GALNT10: variants seen among roughly 807,000 people sequenced by gnomAD.
GALNT10 encodes the protein polypeptide N-acetylgalactosaminyltransferase 10.
A neutral mutation model predicts 75.0 loss-of-function variants in GALNT10; 41 were observed. The observed-to-expected ratio is 0.55, with a 90% CI of 0.43 to 0.71. The LOEUF is 0.71. Ranked by LOEUF, GALNT10 falls within the 30% of genes least tolerant of loss-of-function variation. The probability of loss-of-function intolerance (pLI) is 0.00; values close to 1 mark genes in which losing one functional copy is unlikely to be tolerated. For synonymous variants in GALNT10, 302 were observed against 313.0 expected (o/e 0.96, Z 0.37); for missense variants, 727 against 818.5 (o/e 0.89, Z 1.36).
chr5:154,414,327 T>C (rs777727642), intron 10 of GALNT10, among the ~76,000 whole-genome samples: 1 of 152,218 alleles, frequency 6.6e-6, no homozygotes, highest in African/African-American at 2.4e-5. Flanking sequence ...AGCAGGTTTA[T>C]TTGTAATAGC....
Position 154,352,838 on chromosome 5 carries a change from G to A in GALNT10, c.568+23100G>A, listed in dbSNP as rs149240680. On this transcript the variant is annotated intron_variant, in intron 4 of 11. Coordinates refer to ENST00000297107, the MANE Select transcript of GALNT10 (RefSeq NM_198321.4). This position sits in a 1 kb window ranked among gnomAD's most constrained non-coding sequence, Gnocchi z 4.4. ...CTTGACCACCCCGCGGTCTTGCATC[G>A]GGACATGGCTATGGCAGGGAAGAAA... Among the ~76,000 whole-genome samples the A allele has an allele frequency of 7.2e-5, 11 of 152,252 alleles. No individual in the cohort carries two copies. In the South Asian group the frequency reaches 1.9e-3, roughly 26 times the overall value.
chr5:154,358,238 G>A (rs1244374203), intron 4 of GALNT10, among the ~76,000 whole-genome samples: 1 of 152,164 alleles, frequency 6.6e-6, no homozygotes, highest in Non-Finnish European at 1.5e-5. Flanking sequence ...GAAATGTTCT[G>A]CATGGGGGGA....
At chr5:154,258,995 TAATGTTA>T (rs1753658182) in intron 1 of GALNT10, among the ~76,000 whole-genome samples, 1 of 152,242 alleles carries the variant, frequency 6.6e-6, no homozygotes, top group Admixed American at 6.5e-5. Flanking sequence ...CAGCTTCCCC[TAATGTTA>T]ACATCCTACA....
At chr5:154,351,450 G>T (rs1755203533) in intron 4 of GALNT10, among the ~76,000 whole-genome samples, 1 of 152,196 alleles carries the variant, frequency 6.6e-6, no homozygotes, top group African/African-American at 2.4e-5. Context: ...AATCACAGAA[G>T]ATTTCTGTGT....
At chr5:154,284,921 A>AGTC (rs1352875487) in intron 1 of GALNT10, among the ~76,000 whole-genome samples, 3 of 152,338 alleles carry the variant, frequency 2.0e-5, no homozygotes, top group African/African-American at 7.2e-5. Context: ...TAATGACGAT[A>AGTC]ATAATATAGT....
chr5:154,284,326 G>T (rs1754083496), intron 1 of GALNT10, among the ~76,000 whole-genome samples: 1 of 152,210 alleles, frequency 6.6e-6, no homozygotes, highest in Admixed American at 6.5e-5. Flanking sequence ...AAAGCAGATG[G>T]TCTTCTTCAC....
intron 4 of GALNT10, among the ~76,000 whole-genome samples, chr5:154,364,255 T>G (rs149950152): frequency 0.013 from 1,990 of 152,302 alleles, 24 homozygotes; most frequent in Non-Finnish European, 0.022. Flanking sequence ...GAGATGGTTC[T>G]GGAAAGGTTG....
intron 1 of GALNT10, among the ~76,000 whole-genome samples, chr5:154,199,968 C>T (rs962576575): frequency 2.0e-5 from 3 of 152,174 alleles, no homozygotes; most frequent in African/African-American, 7.2e-5. Flanking sequence ...ACAGAGAGGT[C>T]AGGTAACATA....
chr5:154,259,538 G>A (rs1001506802), intron 1 of GALNT10, among the ~76,000 whole-genome samples: 2 of 152,148 alleles, frequency 1.3e-5, no homozygotes, highest in Non-Finnish European at 2.9e-5. Context: ...TTCTTCAAAT[G>A]ATATTTTATG....
chr5:154,349,297 T>C (rs1190162666), intron 4 of GALNT10: 2 of 152,110 alleles, frequency 1.3e-5, no homozygotes, highest in Non-Finnish European at 2.9e-5. Flanking sequence ...TCCTCCCTGC[T>C]GAGCCTGGAG....
intron 1 of GALNT10, among the ~76,000 whole-genome samples, chr5:154,277,804 A>G (rs1753974424): frequency 6.6e-6 from 1 of 152,182 alleles, no homozygotes; most frequent in African/African-American, 2.4e-5. Context: ...ATCAACACCC[A>G]GCCCCGGTGC....
At chr5:154,274,698 G>A (rs990174861) in intron 1 of GALNT10, among the ~76,000 whole-genome samples, 3 of 152,104 alleles carry the variant, frequency 2.0e-5, no homozygotes, top group African/African-American at 7.2e-5. Context: ...ATTGCAAATT[G>A]GTGGCCTGCT....
At chr5:154,385,619 A>G (rs1191115774) in intron 6 of GALNT10, among the ~76,000 whole-genome samples, 2 of 151,940 alleles carry the variant, frequency 1.3e-5, no homozygotes, top group African/African-American at 4.8e-5. Flanking sequence ...CTACACCAAC[A>G]TCTCCTGAAG....
Position 154,275,879 on chromosome 5 carries a change from AG to A in GALNT10, c.160-18935del, listed in dbSNP as rs549797814. 1.5e-3 allele frequency among the ~76,000 whole-genome samples: 223 copies of A among 152,314 alleles called. 1 individual carries two copies. The highest frequency in any genetic ancestry group is 5.2e-3 in the African/African-American group (217 of 41,574). On this transcript the variant is annotated intron_variant, in intron 1 of 11. Transcript: ENST00000297107. ...ACTCTATTGATTGAAGCATTCACAA[AG>A]GTTTGCCCAAGTTCAAAGGCAGAGG...
At chr5:154,303,633 C>A (rs1403218670) in intron 3 of GALNT10, among the ~76,000 whole-genome samples, 2 of 152,088 alleles carry the variant, frequency 1.3e-5, no homozygotes, top group Admixed American at 1.3e-4. Flanking sequence ...AAGAGTTTTG[C>A]CTTAGTGGCA....
At chr5:154,371,563 T>TGTGTGTGTAC (rs1002294143) in intron 4 of GALNT10, among the ~76,000 whole-genome samples, 1 of 50,972 alleles carries the variant, frequency 2.0e-5, no homozygotes, top group Non-Finnish European at 5.5e-5. Context: ...TGTGTGTGTG[T>TGTGTGTGTAC]ACACACACAC....
intron 1 of GALNT10, among the ~76,000 whole-genome samples, chr5:154,248,792 C>A (rs1008642876): frequency 1.3e-5 from 2 of 152,142 alleles, no homozygotes; most frequent in African/African-American, 2.4e-5. Context: ...TGCGCCTCAC[C>A]ATTCCTTGGG....
chr5:154,265,618 T>C (rs7737215), intron 1 of GALNT10, among the ~76,000 whole-genome samples: 61,815 of 152,050 alleles, frequency 0.41, 14,881 homozygotes, highest in East Asian at 0.76. Context: ...TTATGCATAT[T>C]TCCCAAGTTA....
chr5:154,220,554 T>G (rs1298097429), intron 1 of GALNT10: 1 of 152,194 alleles, frequency 6.6e-6, no homozygotes, highest in African/African-American at 2.4e-5. Flanking sequence ...TGGGTAGGCT[T>G]GCAAGGAAAG....
Sources: gnomAD v4.1 joint callset for allele counts (sites outside exome capture counted in the v4.1 genomes callset) on GRCh38, gnomAD v4.1.1 for gene constraint, Gnocchi (gnomAD v3.1) non-coding constraint, MANE v1.5 for transcripts, NCBI Gene and HGNC (gene_info 2026-07-23, HGNC 2026-07-21) for gene names.